Variants in SLC7A8 observed in about 807,000 individuals in gnomAD.
SLC7A8 encodes large neutral amino acids transporter small subunit 2.
In SLC7A8, 30 loss-of-function variants were observed where a neutral mutation model predicts 51.2. That is an observed-to-expected ratio of 0.59 (90% CI 0.44 to 0.80). SLC7A8 has a LOEUF of 0.80. Among genes scored for constraint, SLC7A8 ranks in the 30% least tolerant of loss-of-function variants. The pLI, the probability that SLC7A8 is intolerant of heterozygous loss-of-function variation, is 0.00. For missense variants in SLC7A8, 612 were observed against 674.4 expected (o/e 0.91, Z 1.03); for synonymous variants, 257 against 275.8 (o/e 0.93, Z 0.67).
chr14:23,152,588 A>G (rs2140325383), intron 3 of SLC7A8, among the ~76,000 whole-genome samples: 1 of 147,614 alleles, frequency 6.8e-6, no homozygotes, highest in South Asian at 2.2e-4. Context: ...TAATTTTTGT[A>G]TTTTTTGTAG....
Position 23,139,596 on chromosome 14 carries a change from G to A in SLC7A8, c.789-49C>T, listed in dbSNP as rs138623782. The A allele has an allele frequency of 1.4e-4, 221 of 1,584,310 alleles. 2 individuals carry two copies. In the Middle Eastern group the frequency reaches 4.5e-3, roughly 32 times the overall value. ...GGAAGGGCTGGCACCCGGGACACCC[G>A]CCTTGCCATGGAGTCCAGGGGGTGT... On this transcript the variant is annotated intron_variant, in intron 5 of 10. Coordinates refer to ENST00000316902, the MANE Select transcript of SLC7A8 (RefSeq NM_012244.4).
At chr14:23,176,200 TG>T (rs1876895179) in intron 1 of SLC7A8, among the ~76,000 whole-genome samples, 1 of 152,238 alleles carries the variant, frequency 6.6e-6, no homozygotes, top group Non-Finnish European at 1.5e-5. Context: ...TCTTCTAAAG[TG>T]GTATAGACCA....
chr14:23,132,791 A>G (rs533078508), intron 7 of SLC7A8, among the ~76,000 whole-genome samples: 9 of 152,156 alleles, frequency 5.9e-5, no homozygotes, highest in South Asian at 2.1e-4. Flanking sequence ...ATGCGCCACC[A>G]CACCCAGCTA....
chr14:23,155,084 G>A, intron 3 of SLC7A8: 1 of 1,268,292 alleles, frequency 7.9e-7, no homozygotes, highest in Non-Finnish European at 1.1e-6. Flanking sequence ...ACAGTGGGGA[G>A]TGTGGTTTTG....
At chr14:23,148,647 T>C (rs750344615) in intron 3 of SLC7A8, among the ~76,000 whole-genome samples, 3 of 152,168 alleles carry the variant, frequency 2.0e-5, no homozygotes, top group Non-Finnish European at 4.4e-5. Context: ...CATGTGATCA[T>C]GGAAACATCA....
At position 23,182,986 on chromosome 14, in the gene SLC7A8, AG is replaced by A; in HGVS notation, c.-73del. 6.3e-7 allele frequency: 1 copy of A among 1,598,022 alleles called. No individual in the cohort carries two copies. The highest frequency in any genetic ancestry group is 1.1e-5 in the South Asian group (1 of 90,460). On this transcript the variant is annotated 5_prime_UTR_variant, in exon 1 of 11. Transcript: ENST00000316902. ...TGCGTATTCGTGTAAATATATTGGG[AG>A]AGAGCTTTGAATTAGAACGTCCTTT...
chr14:23,144,709 C>T (rs1168645689), intron 3 of SLC7A8, among the ~76,000 whole-genome samples: 1 of 152,100 alleles, frequency 6.6e-6, no homozygotes, highest in Non-Finnish European at 1.5e-5. Context: ...GCGCCATCTC[C>T]ACCTGGCAAA....
chr14:23,129,535 C>T, intron 9 of SLC7A8, 115 bp downstream of exon 9: 6 of 1,236,262 alleles, frequency 4.9e-6, no homozygotes, highest in Non-Finnish European at 6.8e-6. Flanking sequence ...GGGTCTGCTA[C>T]CATCAGAGAT....
chr14:23,127,876 G>C, intron 10 of SLC7A8, 143 bp downstream of exon 10: 1 of 717,388 alleles, frequency 1.4e-6, no homozygotes, highest in Non-Finnish European at 2.3e-6. Context: ...TGCTTCCCCT[G>C]CTCTGGACTC....
At chr14:23,131,999 A>ATTTTTTTTTTTT (rs1201371313) in intron 7 of SLC7A8, among the ~76,000 whole-genome samples, 1 of 98,196 alleles carries the variant, frequency 1.0e-5, no homozygotes, top group Non-Finnish European at 2.0e-5. Flanking sequence ...AAAACACTCT[A>ATTTTTTTTTTTT]TTTTTTTTTT....
intron 3 of SLC7A8, among the ~76,000 whole-genome samples, chr14:23,161,169 C>T (rs1345392522): frequency 6.6e-6 from 1 of 152,028 alleles, no homozygotes; most frequent in East Asian, 1.9e-4. Context: ...TCAGCAGGTT[C>T]TTTCCACCTC....
At chr14:23,143,049 G>A (rs774584043) in intron 4 of SLC7A8, 30 bp downstream of exon 4, 20 of 1,612,326 alleles carry the variant, frequency 1.2e-5, no homozygotes, top group Non-Finnish European at 1.5e-5. Context: ...AGGAAAGCTG[G>A]GCAGTACCTG....
Position 23,139,406 on chromosome 14 carries a change from G to A in SLC7A8, c.912+18C>T. ...GTCTGCATTCCTGGTATGAGACTCT[G>A]GGACTTTCATTTCTTACCACAGCGA... is the stretch of plus-strand genomic sequence containing the variant. On this transcript the variant is annotated intron_variant, in intron 6 of 10. Coordinates refer to ENST00000316902, the MANE Select transcript of SLC7A8 (RefSeq NM_012244.4). 1 of 1,613,726 alleles carries A rather than the reference G, an allele frequency of 6.2e-7. No homozygotes were observed. Among genetic ancestry groups the A allele is most frequent in the Non-Finnish European group, 8.5e-7 (1 of 1,179,766 alleles).
rs773801748 is a variant in SLC7A8, at chr14:23,129,659, G to T, written c.1254C>A (p.Arg418=). The T allele has an allele frequency of 1.2e-6, 2 of 1,614,160 alleles. No homozygotes were observed. Among genetic ancestry groups the T allele is most frequent in the Non-Finnish European group, 1.7e-6 (2 of 1,179,998 alleles). ...AGGGAGTTTCTCTCACCTTGATGGG[G>T]CGGGGGATATCAGGCTTCTTCCAGC... The part of the protein sequence containing the change: ...VLRWKKPDIP[R]PIKINLLFPI... The change falls in exon 9 of 11, where the codon CGC becomes CGA. Residue 418 remains arginine (R), a synonymous_variant. Transcript: ENST00000316902.
rs569751140 is a variant in SLC7A8, at chr14:23,173,756, C to T, written c.152-7216G>A. On this transcript the variant is annotated intron_variant, in intron 1 of 10. Coordinates refer to ENST00000316902, the MANE Select transcript of SLC7A8 (RefSeq NM_012244.4). The stretch of plus-strand genomic sequence containing the variant: ...TCCCAAGCTCAAGCAATCCTCCCAC[C>T]TCAGCCTCCCTAGTGCTGGGACCAC... Among the ~76,000 whole-genome samples, 3 of 152,224 alleles carry T rather than the reference C, an allele frequency of 2.0e-5. No homozygotes were observed. In the East Asian group the frequency reaches 5.8e-4, roughly 29 times the overall value.
At chr14:23,145,371 C>T (rs1316926345) in intron 3 of SLC7A8, among the ~76,000 whole-genome samples, 2 of 150,942 alleles carry the variant, frequency 1.3e-5, no homozygotes, top group Non-Finnish European at 3.0e-5. Context: ...ACCAAAAATA[C>T]AAAAATTAGC....
Position 23,128,291 on chromosome 14 carries a change from G to A in SLC7A8, c.1264-95C>T. ...ATTCTCTCTCTTCTTCACCCACAGA[G>A]ACACATCCTCAAGGGCAAAGGCTGG... On this transcript the variant is annotated intron_variant, in intron 9 of 10. Coordinates refer to ENST00000316902, the MANE Select transcript of SLC7A8 (RefSeq NM_012244.4). The surrounding 1 kb of genome is among the most constrained non-coding windows in gnomAD (Gnocchi z 4.3). 1 of 1,565,982 alleles carries A rather than the reference G, an allele frequency of 6.4e-7. No individual in the cohort carries two copies. Among genetic ancestry groups the A allele is most frequent in the Non-Finnish European group, 8.6e-7 (1 of 1,156,794 alleles).
rs989207431 is a variant in SLC7A8 at position 23,133,228 on chromosome 14, G to A, written c.1017-1671C>T. Among the ~76,000 whole-genome samples, 13 of 152,080 alleles carry A rather than the reference G, an allele frequency of 8.5e-5. No homozygotes were observed. The East Asian group carries it at 1.5e-3, about 18-fold the overall frequency. ...TGAGGCGGGAGAATCATTTGAGCCCGGAAGTTTGAGGCCAGTCTGGGCAAA... is the reference window on the plus strand; with the variant it reads ...TGAGGCGGGAGAATCATTTGAGCCCAGAAGTTTGAGGCCAGTCTGGGCAAA... On this transcript the variant is annotated intron_variant, in intron 7 of 10. Transcript: ENST00000316902.
chr14:23,182,437 T>C (rs908427348), intron 1 of SLC7A8, among the ~76,000 whole-genome samples: 5 of 152,160 alleles, frequency 3.3e-5, no homozygotes, highest in Non-Finnish European at 7.3e-5. Flanking sequence ...TCCTTAAACC[T>C]ATTGAACTAG....
Sources: gnomAD v4.1 joint callset for allele counts (sites outside exome capture counted in the v4.1 genomes callset) on GRCh38, gnomAD v4.1.1 for gene constraint, Gnocchi (gnomAD v3.1) non-coding constraint, MANE v1.5 for transcripts, NCBI Gene and HGNC (gene_info 2026-07-23, HGNC 2026-07-21) for gene names.